FNTB: variants seen among roughly 807,000 people sequenced by gnomAD.
FNTB encodes the protein protein farnesyltransferase subunit beta.
Under a neutral mutation model 59.4 loss-of-function variants are expected in FNTB, and 27 were observed. That is an observed-to-expected ratio of 0.45 (90% CI 0.34 to 0.63). The LOEUF (loss-of-function observed/expected upper bound fraction) is 0.63. Ranked by LOEUF, FNTB falls within the 20% of genes least tolerant of loss-of-function variation. FNTB has a pLI of 0.02. For missense variants in FNTB, 449 were observed against 559.6 expected (o/e 0.80, Z 1.99); for synonymous variants, 230 against 220.7 (o/e 1.04, Z -0.37).
At chr14:65,026,464 C>T (rs946997202) in intron 4 of FNTB, among the ~76,000 whole-genome samples, 2 of 152,250 alleles carry the variant, frequency 1.3e-5, no homozygotes, top group South Asian at 2.1e-4. Flanking sequence ...ATTCTCACGG[C>T]GAGTCAGTGC....
chr14:65,013,178 T>C (rs1044304431), intron 3 of FNTB, among the ~76,000 whole-genome samples: 2 of 152,200 alleles, frequency 1.3e-5, no homozygotes, highest in Non-Finnish European at 2.9e-5. Context: ...CTCAAATGCC[T>C]GTAGGGCCCA....
intron 10 of FNTB, 135 bp downstream of exon 10, chr14:65,053,484 G>A: frequency 1.3e-6 from 1 of 754,614 alleles, no homozygotes; most frequent in Non-Finnish European, 1.8e-6. Flanking sequence ...TAGGTTGTAT[G>A]GGAAAAAGCA....
chr14:64,993,264 A>G (rs1888272853), intron 1 of FNTB, among the ~76,000 whole-genome samples: 1 of 152,220 alleles, frequency 6.6e-6, no homozygotes, highest in African/African-American at 2.4e-5. Context: ...TCCATCTCTA[A>G]AAAAAGTAAA....
chr14:65,033,322 A>G (rs2062122348), intron 7 of FNTB, among the ~76,000 whole-genome samples: 1 of 152,214 alleles, frequency 6.6e-6, no homozygotes, highest in African/African-American at 2.4e-5. Context: ...TCTGAGAAGA[A>G]TCATGTGGTA....
At chr14:65,055,626 C>T (rs984208447) in intron 11 of FNTB, among the ~76,000 whole-genome samples, 30 of 152,046 alleles carry the variant, frequency 2.0e-4, no homozygotes, top group Admixed American at 5.2e-4. Context: ...AAGCAATTCT[C>T]GTGCCTCAGC....
At chr14:65,000,408 T>A (rs1888550143) in intron 1 of FNTB, among the ~76,000 whole-genome samples, 1 of 152,176 alleles carries the variant, frequency 6.6e-6, no homozygotes, top group Admixed American at 6.5e-5. Flanking sequence ...AAAGTTAATG[T>A]AAGTAGAGAG....
At chr14:65,019,350 G>A (rs2061843995) in intron 4 of FNTB, among the ~76,000 whole-genome samples, 1 of 151,530 alleles carries the variant, frequency 6.6e-6, no homozygotes, top group Non-Finnish European at 1.5e-5. Flanking sequence ...AGCCAGATGT[G>A]GTGGCTGGCA....
In FNTB at chr14:65,047,378, C is replaced by G. The variant is rs555234809; in HGVS notation, c.955+2935C>G. ...ATCCAGACTAGCTGGCATCTGAACC[C>G]TGCCCTGCTCATAACCACAGTAGGT... On this transcript the variant is annotated intron_variant, in intron 9 of 11. Transcript: ENST00000246166. This position sits in a 1 kb window ranked among gnomAD's most constrained non-coding sequence, Gnocchi z 5.2. Among the ~76,000 whole-genome samples the G allele has an allele frequency of 6.6e-6, 1 of 152,334 alleles. No individual in the cohort carries two copies. The highest frequency in any genetic ancestry group is 2.4e-5 in the African/African-American group (1 of 41,576).
Position 65,032,780 on chromosome 14 carries a change from G to A in FNTB, c.692+84G>A. On this transcript the variant is annotated intron_variant, in intron 7 of 11. Coordinates refer to ENST00000246166, the MANE Select transcript of FNTB (RefSeq NM_002028.4). This position sits in a 1 kb window ranked among gnomAD's most constrained non-coding sequence, Gnocchi z 5.0. The stretch of plus-strand genomic sequence containing the variant: ...TCAGAAAAATAAAGAAAATGCAGAG[G>A]GACTTGGAAGGAAATACAAAAATCA... 1.5e-6 allele frequency: 2 copies of A among 1,314,956 alleles called. No homozygotes were observed. The highest frequency in any genetic ancestry group is 3.8e-4 in the Middle Eastern group (2 of 5,320). 81.5% of individuals were successfully genotyped at this position (1,314,956 alleles called of 1,614,324 possible).
chr14:65,034,148 G>A (rs375572908), intron 7 of FNTB, among the ~76,000 whole-genome samples: 1 of 152,040 alleles, frequency 6.6e-6, no homozygotes, highest in Non-Finnish European at 1.5e-5. Flanking sequence ...AACCCTTCAG[G>A]TAACCTGTCT....
At chr14:65,041,475 C>T (rs1458823679) in intron 8 of FNTB, among the ~76,000 whole-genome samples, 3 of 152,174 alleles carry the variant, frequency 2.0e-5, no homozygotes, top group Non-Finnish European at 4.4e-5. Flanking sequence ...GTTAAATGAT[C>T]AGTGGGTGCA....
At position 65,061,425 on chromosome 14, in the gene FNTB, T is replaced by C. The variant is rs1468768671; in HGVS notation, c.*113T>C. The C allele has an allele frequency of 6.8e-7, 1 of 1,460,584 alleles. No homozygotes were observed. The allele number at this position is 1,460,584 out of a possible 1,614,324, so 90.5% of individuals were successfully genotyped here. On this transcript the variant is annotated 3_prime_UTR_variant, in exon 12 of 12. Transcript: ENST00000246166. ...ACACAAGCCTTAGCCTCAGTGGAGC[T>C]GTGGTTCTCTTGGTACTTTCTTGTC...
rs1336475520 is a variant in FNTB, at chr14:65,001,392, C to T, written c.145-2857C>T. Reference sequence around the variant, plus strand: ...GCTGTACAGGTCTGTGGCCCAGGAGCAGTAGGCCACACTATACAGCCTATG... The same window carrying T: ...GCTGTACAGGTCTGTGGCCCAGGAGTAGTAGGCCACACTATACAGCCTATG... On this transcript the variant is annotated intron_variant, in intron 1 of 11. Coordinates refer to ENST00000246166, the MANE Select transcript of FNTB (RefSeq NM_002028.4). This position sits in a 1 kb window ranked among gnomAD's most constrained non-coding sequence, Gnocchi z 5.5. Among the ~76,000 whole-genome samples, 2 of 152,130 alleles carry T rather than the reference C, an allele frequency of 1.3e-5. No individual in the cohort carries two copies. Among genetic ancestry groups the T allele is most frequent in the Admixed American group, 1.3e-4 (2 of 15,276 alleles).
chr14:65,026,011 G>A (rs1331187688), intron 4 of FNTB, among the ~76,000 whole-genome samples: 2 of 152,196 alleles, frequency 1.3e-5, no homozygotes, highest in East Asian at 3.8e-4. Flanking sequence ...CTCTGAAATC[G>A]AAAGCAATTA....
At chr14:64,998,541 G>C (rs1888488645) in intron 1 of FNTB, among the ~76,000 whole-genome samples, 1 of 152,222 alleles carries the variant, frequency 6.6e-6, no homozygotes, top group Non-Finnish European at 1.5e-5. Context: ...GATGACCTTT[G>C]TGCAGGATTG....
At chr14:65,025,813 C>T (rs537247407) in intron 4 of FNTB, among the ~76,000 whole-genome samples, 2 of 152,254 alleles carry the variant, frequency 1.3e-5, no homozygotes, top group South Asian at 4.1e-4. Context: ...AAGACCCTCT[C>T]TCAAAATCAA....
Position 65,027,516 on chromosome 14 carries a change from G to A in FNTB, c.438G>A (p.Gln146=). The A allele has an allele frequency of 6.2e-7, 1 of 1,614,224 alleles. No individual in the cohort carries two copies. The highest frequency in any genetic ancestry group is 8.5e-7 in the Non-Finnish European group (1 of 1,180,042). ...PEGGFGGGPG[Q]YPHLAPTYAA... ...GTGGCTTTGGAGGAGGACCCGGTCA[G>A]TATCCACACCTTGCACCCACATATG... Residue 146 remains glutamine (Q), a synonymous_variant, in exon 5 of 12, where the codon CAG becomes CAA. Transcript: ENST00000246166. This position sits in a 1 kb window ranked among gnomAD's most constrained non-coding sequence, Gnocchi z 5.7.
At position 65,009,480 on chromosome 14, in the gene FNTB, G is replaced by C. The variant is rs1273068425; in HGVS notation, c.210-2837G>C. ...TGAGAAAATCGAGGCTGACCCACCT[G>C]ACTTTCCTGTTTCCTTCTTCCCACA... On this transcript the variant is annotated intron_variant, in intron 2 of 11. Coordinates refer to ENST00000246166, the MANE Select transcript of FNTB (RefSeq NM_002028.4). The surrounding 1 kb of genome is among the most constrained non-coding windows in gnomAD (Gnocchi z 4.2). 6.6e-6 allele frequency among the ~76,000 whole-genome samples: 1 copy of C among 152,090 alleles called. No homozygotes were observed. The highest frequency in any genetic ancestry group is 1.5e-5 in the Non-Finnish European group (1 of 68,010).
At chr14:65,026,452 G>C (rs572146564) in intron 4 of FNTB, among the ~76,000 whole-genome samples, 1 of 152,186 alleles carries the variant, frequency 6.6e-6, no homozygotes, top group East Asian at 1.9e-4. Flanking sequence ...AGACTGGGAG[G>C]CATTCTCACG....
Sources: gnomAD v4.1 joint callset for allele counts (sites outside exome capture counted in the v4.1 genomes callset) on GRCh38, gnomAD v4.1.1 for gene constraint, Gnocchi (gnomAD v3.1) non-coding constraint, MANE v1.5 for transcripts, NCBI Gene and HGNC (gene_info 2026-07-23, HGNC 2026-07-21) for gene names.